Variants in NUP93 observed in about 807,000 individuals in gnomAD.
NUP93 encodes the protein nuclear pore complex protein Nup93.
Under a neutral mutation model 107.8 loss-of-function variants are expected in NUP93, and 55 were observed. The ratio of observed to expected loss-of-function variants is 0.51; its 90% CI spans 0.41 to 0.64. The LOEUF (loss-of-function observed/expected upper bound fraction) is 0.64, where lower values mean the gene tolerates loss of function less well. NUP93 is among the 30% of genes least tolerant of loss of function. The probability of loss-of-function intolerance (pLI) is 0.00; values close to 1 mark genes in which losing one functional copy is unlikely to be tolerated. For missense variants in NUP93, 937 were observed against 1,044.7 expected (o/e 0.90, Z 1.42); for synonymous variants, 390 against 397.5 (o/e 0.98, Z 0.22).
At chr16:56,832,427 C>G (rs1455252009) in intron 12 of NUP93, 39 bp downstream of exon 12, 1 of 1,513,892 alleles carries the variant, frequency 6.6e-7, no homozygotes, top group African/African-American at 1.4e-5. Flanking sequence ...CTTCTCTTGT[C>G]CACTTAAGGT....
chr16:56,769,012 T>C (rs1296313880), intron 3 of NUP93, among the ~76,000 whole-genome samples: 2 of 152,120 alleles, frequency 1.3e-5, no homozygotes, highest in African/African-American at 4.8e-5. Context: ...CCCTCTGAGG[T>C]GGATACTTAC....
intron 20 of NUP93, among the ~76,000 whole-genome samples, chr16:56,840,145 C>T (rs528136630): frequency 2.6e-5 from 4 of 152,136 alleles, no homozygotes; most frequent in African/African-American, 7.2e-5. Context: ...CTCAGCCTCA[C>T]GAGTAGCTGG....
chr16:56,839,902 A>T (rs72786737), intron 20 of NUP93: 2 of 371,096 alleles, frequency 5.4e-6, no homozygotes, highest in Admixed American at 4.3e-5. Flanking sequence ...TTCTTCTATT[A>T]TCCGCTTGTG....
intron 13 of NUP93, 144 bp from the exon 14 acceptor site, chr16:56,833,984 C>T: frequency 9.1e-7 from 1 of 1,099,000 alleles, no homozygotes; most frequent in Non-Finnish European, 1.3e-6. Flanking sequence ...GTAAAAGGGA[C>T]TGGCCAAAGC....
intron 3 of NUP93, chr16:56,783,397 A>C (rs1962555862): frequency 1.2e-6 from 1 of 852,960 alleles, no homozygotes; most frequent in Non-Finnish European, 1.4e-6. Flanking sequence ...TCCTCTTGGC[A>C]TTGGAGTTCT....
At chr16:56,787,985 A>G (rs1302222052) in intron 3 of NUP93, among the ~76,000 whole-genome samples, 2 of 152,154 alleles carry the variant, frequency 1.3e-5, no homozygotes, top group East Asian at 3.9e-4. Context: ...CACTGTTAAT[A>G]TTCCATTTGT....
At chr16:56,841,918 C>G (rs1403297616) in intron 21 of NUP93, 85 bp downstream of exon 21, 3 of 1,516,138 alleles carry the variant, frequency 2.0e-6, no homozygotes, top group Non-Finnish European at 2.7e-6. Flanking sequence ...GACCACATGA[C>G]CCAAAACTGC....
rs1567393575 is a variant in NUP93 at position 56,798,550 on chromosome 16, AACC to A, written c.360+14_360+16del. 1.2e-6 allele frequency: 2 copies of A among 1,611,308 alleles called. No homozygotes were observed. The highest frequency in any genetic ancestry group is 1.7e-6 in the Non-Finnish European group (2 of 1,177,406). ...AGTCCCGGAAGAGGGTAAGAAAATT[AACC>A]AAAATGTAGATGTATACAGATGAGG... On this transcript the variant is annotated intron_variant, in intron 4 of 21. Coordinates refer to ENST00000308159, the MANE Select transcript of NUP93 (RefSeq NM_014669.5).
chr16:56,740,510 C>T (rs1266969458), intron 1 of NUP93, among the ~76,000 whole-genome samples: 1 of 148,850 alleles, frequency 6.7e-6, no homozygotes, highest in Admixed American at 6.6e-5. Flanking sequence ...GATGGGATGG[C>T]GGCCGGGCGG....
rs761951738 is a variant in NUP93 at position 56,833,228 on chromosome 16, T to C, written c.1359T>C (p.Phe453=). 1 of 1,598,620 alleles carries C rather than the reference T, an allele frequency of 6.3e-7. No individual in the cohort carries two copies. The highest frequency in any genetic ancestry group is 1.1e-5 in the South Asian group (1 of 88,596). Residue 453 remains phenylalanine (F), a synonymous_variant, in exon 13 of 22, where the codon TTT becomes TTC. Transcript: ENST00000308159. Reference sequence around the variant, plus strand: ...CCTCTCTCCCAGGCGAGTCCCACTTTACGGTGAACCAGCAACCCTTCCTCT... The same window carrying C: ...CCTCTCTCCCAGGCGAGTCCCACTTCACGGTGAACCAGCAACCCTTCCTCT... ...QLLEDYGESH[F]TVNQQPFLYF...
At chr16:56,784,353 GA>G (rs1327742967) in intron 3 of NUP93, among the ~76,000 whole-genome samples, 1 of 152,088 alleles carries the variant, frequency 6.6e-6, no homozygotes, top group Non-Finnish European at 1.5e-5. Context: ...AAATACACAA[GA>G]AACAAATGTT....
At chr16:56,751,113 T>C (rs1432150868) in intron 2 of NUP93, among the ~76,000 whole-genome samples, 1 of 152,014 alleles carries the variant, frequency 6.6e-6, no homozygotes, top group Non-Finnish European at 1.5e-5. Flanking sequence ...CATATCCCTC[T>C]TTTCTCACCA....
rs1962410332 is a variant in NUP93, at chr16:56,776,054, C to A, written c.297+17399C>A. Reference sequence around the variant, plus strand: ...TTGCATATACTTTTATTTGTTGGTGCCAGATTTTTTTTTTTATTGCTTTGA... The same window carrying A: ...TTGCATATACTTTTATTTGTTGGTGACAGATTTTTTTTTTTATTGCTTTGA... On this transcript the variant is annotated intron_variant, in intron 3 of 21. Transcript: ENST00000308159. 5.5e-5 allele frequency among the ~76,000 whole-genome samples: 7 copies of A among 128,360 alleles called. No individual in the cohort carries two copies. In the Admixed American group the frequency reaches 5.5e-4, roughly 10 times the overall value. The allele number at this position is 128,360 out of a possible 152,430, so 84.2% of individuals were successfully genotyped here. A position where few individuals can be genotyped will look rare whatever the true frequency, so the allele number is the denominator to read the frequency against.
At chr16:56,736,797 GAC>G (rs1961621938) in intron 1 of NUP93, among the ~76,000 whole-genome samples, 1 of 152,182 alleles carries the variant, frequency 6.6e-6, no homozygotes, top group Non-Finnish European at 1.5e-5. Flanking sequence ...GCAGTGGTGA[GAC>G]ACACACTGTG....
intron 5 of NUP93, among the ~76,000 whole-genome samples, chr16:56,814,049 G>A (rs1466246975): frequency 1.3e-5 from 2 of 152,134 alleles, no homozygotes; most frequent in African/African-American, 2.4e-5. Flanking sequence ...ATTAATCACC[G>A]TGTTTCCATT....
rs1197248556 is a variant in NUP93, at chr16:56,748,512, A to G, written c.179+86A>G. The G allele has an allele frequency of 3.4e-6, 4 of 1,162,646 alleles. No individual in the cohort carries two copies. The Admixed American group carries it at 7.3e-5, about 21-fold the overall frequency. The allele number at this position is 1,162,646 out of a possible 1,614,324, so 72.0% of individuals were successfully genotyped here. On this transcript the variant is annotated intron_variant, in intron 2 of 21. Coordinates refer to ENST00000308159, the MANE Select transcript of NUP93 (RefSeq NM_014669.5). ...TCTTTCCTGCCTTGAATTCAGATCC[A>G]ATCTGTGAATGACAGCCACTAGCCA... is the stretch of plus-strand genomic sequence containing the variant.
intron 1 of NUP93, 170 bp from the exon 2 acceptor site, chr16:56,748,064 C>G (rs913786527): frequency 1.5e-5 from 7 of 481,892 alleles, no homozygotes; most frequent in South Asian, 1.1e-4. Context: ...TTTTCTCTGT[C>G]AGGCCTGTTC....
At chr16:56,792,008 C>T (rs1045164845) in intron 3 of NUP93, among the ~76,000 whole-genome samples, 4 of 152,122 alleles carry the variant, frequency 2.6e-5, no homozygotes, top group African/African-American at 9.7e-5. Context: ...ATCTCTGTTG[C>T]ATTTATTTTA....
At chr16:56,840,259 A>G (rs1413644054) in intron 20 of NUP93, among the ~76,000 whole-genome samples, 12 of 152,170 alleles carry the variant, frequency 7.9e-5, no homozygotes. Flanking sequence ...TGACCTCGTG[A>G]TCTGCCCGCC....
Sources: gnomAD v4.1 joint callset for allele counts (sites outside exome capture counted in the v4.1 genomes callset) on GRCh38, gnomAD v4.1.1 for gene constraint, MANE v1.5 for transcripts, NCBI Gene and HGNC (gene_info 2026-07-23, HGNC 2026-07-21) for gene names.